Variants in RCCD1 observed in about 807,000 individuals in gnomAD.
RCCD1 encodes the protein RCC1 domain containing 1.
RCCD1 carries 40 observed loss-of-function variants against 37.6 expected under a neutral mutation model. That is an observed-to-expected ratio of 1.06 (90% CI 0.83 to 1.39). RCCD1 has a LOEUF of 1.39. Among genes scored for constraint, RCCD1 ranks in the 40% most tolerant of loss-of-function variants. RCCD1 has a pLI of 0.00. For missense variants in RCCD1, 577 were observed against 517.3 expected (o/e 1.12, Z -1.12); for synonymous variants, 263 against 230.0 (o/e 1.14, Z -1.30).
intron 6 of RCCD1, chr15:90,960,773 G>T: frequency 1.6e-6 from 1 of 626,140 alleles, no homozygotes; most frequent in East Asian, 2.7e-5. Context: ...TGACAGCAGG[G>T]ACTGTCCAGT....
At position 90,961,792 on chromosome 15, in the gene RCCD1, C is replaced by T; in HGVS notation, c.*23C>T. ...TGACATGTGTACGTATATGTATATG[C>T]AACACCTGTGAGACCCCCATTCAGG... is the stretch of plus-strand genomic sequence containing the variant. On this transcript the variant is annotated 3_prime_UTR_variant, in exon 8 of 8. Transcript: ENST00000394258. 1.2e-6 allele frequency: 2 copies of T among 1,602,068 alleles called. No homozygotes were observed. Among genetic ancestry groups the T allele is most frequent in the South Asian group, 2.2e-5 (2 of 89,862 alleles).
rs777746830 is a variant in RCCD1, at chr15:90,957,428, G to A, written c.482G>A (p.Arg161His). Residue 161 changes from arginine (R) to histidine (H), a missense_variant, in exon 3 of 8, where the codon CGC becomes CAC. Transcript: ENST00000394258. ...YRPLAPELRA[R>H]QLELGAEHAL... ...CCTCTGGCTCCGGAGCTGCGGGCAC[G>A]CCAGCTGGAGCTGGGCGCCGAGCAC... The A allele has an allele frequency of 8.4e-6, 13 of 1,538,802 alleles. No homozygotes were observed. The South Asian group carries it at 9.5e-5, about 11-fold the overall frequency.
chr15:90,956,747 C>A lies in RCCD1; in HGVS notation c.13C>A (p.Arg5=). Residue 5 remains arginine, a synonymous_variant, in exon 2 of 8, where the codon CGG becomes AGG. Coordinates refer to ENST00000394258, the MANE Select transcript of RCCD1 (RefSeq NM_001017919.2). MAEE[R]PGAWFGFGFC... is the part of the protein sequence containing the mutation. ...GCGCTGCTCGGGCATGGCGGAGGAG[C>A]GGCCGGGGGCCTGGTTCGGCTTCGG... 7.6e-7 allele frequency: 1 copy of A among 1,316,996 alleles called. No homozygotes were observed. Among genetic ancestry groups the A allele is most frequent in the Non-Finnish European group, 9.7e-7 (1 of 1,033,528 alleles). 81.6% of individuals were successfully genotyped at this position (1,316,996 alleles called of 1,614,324 possible). A position where few individuals can be genotyped will look rare whatever the true frequency, so the allele number is the denominator to read the frequency against.
At chr15:90,958,242 A>G (rs536561308) in intron 4 of RCCD1, among the ~76,000 whole-genome samples, 40 of 152,288 alleles carry the variant, frequency 2.6e-4, no homozygotes, top group Non-Finnish European at 5.1e-4. Context: ...GAGCCCATGC[A>G]GAGAGGGTGA....
At chr15:90,956,982 T>C (rs1256836403) in intron 2 of RCCD1, 82 bp downstream of exon 2, 1 of 1,284,268 alleles carries the variant, frequency 7.8e-7, no homozygotes, top group East Asian at 3.1e-5. Flanking sequence ...CAGTCCAGTT[T>C]GTCTCCCCCG....
At chr15:90,959,411 T>G (rs187522272) in intron 4 of RCCD1, among the ~76,000 whole-genome samples, 1 of 152,184 alleles carries the variant, frequency 6.6e-6, no homozygotes, top group Non-Finnish European at 1.5e-5. Context: ...GGACCGGCTG[T>G]GGGTGCAGTT....
At chr15:90,960,538 G>C (rs1388202226) in intron 6 of RCCD1, 40 bp downstream of exon 6, 1 of 1,576,810 alleles carries the variant, frequency 6.3e-7, no homozygotes, top group African/African-American at 1.3e-5. Flanking sequence ...ACTCGAGCTG[G>C]TGCCTACGGA....
In RCCD1 at chr15:90,957,711, C is replaced by G. The variant is rs138365253; in HGVS notation, c.665C>G (p.Ser222Cys). Reference sequence around the variant, plus strand: ...GAGGTGGCCGCGGGGGGCTGGCATTCTGTGTGTGTGAGTGGTGAGTGACTT... The same window carrying G: ...GAGGTGGCCGCGGGGGGCTGGCATTGTGTGTGTGTGAGTGGTGAGTGACTT... ...MAEVAAGGWH[S>C]VCVSETGDIY... The change falls in exon 4 of 8, where the codon TCT becomes TGT. Residue 222 changes from serine to cysteine, a missense_variant. Physicochemically the swap from Ser to Cys is moderately radical, Grantham distance 112. Transcript: ENST00000394258. 2.1e-5 allele frequency: 34 copies of G among 1,610,820 alleles called. No homozygotes were observed. The highest frequency in any genetic ancestry group is 6.7e-5 in the East Asian group (3 of 44,836).
chr15:90,962,525 A>C lies in RCCD1; in HGVS notation c.*756A>C, dbSNP rs2037335834. 6.6e-6 allele frequency: 1 copy of C among 152,194 alleles called. No individual in the cohort carries two copies. The highest frequency in any genetic ancestry group is 2.4e-5 in the African/African-American group (1 of 41,454). 9.4% of individuals were successfully genotyped at this position (152,194 alleles called of 1,614,324 possible). A position where few individuals can be genotyped will look rare whatever the true frequency, so the allele number is the denominator to read the frequency against. ...CAGCAGGGTGGGGTCTACTGTGGCTAAAATGTCAGGTAGATGCACACTGGT... is the reference window on the plus strand; with the variant it reads ...CAGCAGGGTGGGGTCTACTGTGGCTCAAATGTCAGGTAGATGCACACTGGT... On this transcript the variant is annotated 3_prime_UTR_variant, in exon 8 of 8. Coordinates refer to ENST00000394258, the MANE Select transcript of RCCD1 (RefSeq NM_001017919.2).
In RCCD1 at chr15:90,957,636, C is replaced by T. The variant is rs1177315286; in HGVS notation, c.590C>T (p.Ala197Val). 1.9e-6 allele frequency: 3 copies of T among 1,614,144 alleles called. No individual in the cohort carries two copies. Among genetic ancestry groups the T allele is most frequent in the Admixed American group, 1.7e-5 (1 of 60,020 alleles). ...CAGCTGGGCCATGGGACCCTGGAGG[C>T]AGAGCTGGAGCCACGGCTGTTGGAG... ...HGQLGHGTLE[A>V]ELEPRLLEAL... Residue 197 changes from alanine (A) to valine (V), a missense_variant, in exon 4 of 8, where the codon GCA becomes GTA. Transcript: ENST00000394258.
intron 4 of RCCD1, among the ~76,000 whole-genome samples, chr15:90,958,965 A>C (rs944222516): frequency 4.4e-5 from 6 of 135,690 alleles, no homozygotes; most frequent in East Asian, 5.1e-4. Flanking sequence ...AAAAAAAAAA[A>C]CCCCAACCTT....
Position 90,961,541 on chromosome 15 carries a change from G to C in RCCD1, c.980-77G>C. 4 of 1,490,668 alleles carry C rather than the reference G, an allele frequency of 2.7e-6. No homozygotes were observed. In the East Asian group the frequency reaches 6.8e-5, roughly 25 times the overall value. 92.3% of individuals were successfully genotyped at this position (1,490,668 alleles called of 1,614,324 possible). A position where few individuals can be genotyped will look rare whatever the true frequency, so the allele number is the denominator to read the frequency against. ...CATAATCCCAGCACTTCATTTGATA[G>C]TCTGGGCCCCTTCCTGGAGGGAAAG... On this transcript the variant is annotated intron_variant, in intron 7 of 7. Coordinates refer to ENST00000394258, the MANE Select transcript of RCCD1 (RefSeq NM_001017919.2).
chr15:90,957,582 G>A (rs755418265), intron 3 of RCCD1, 22 bp from the exon 4 acceptor site: 1 of 1,613,854 alleles, frequency 6.2e-7, no homozygotes, highest in Non-Finnish European at 8.5e-7. Context: ...GACTGTAGCT[G>A]ACGACGGTCT....
Position 90,957,680 on chromosome 15 carries a change from A to G in RCCD1, c.634A>G (p.Met212Val). ...GTTGGAGGCGTTGCAGGGCCTAGTC[A>G]TGGCTGAGGTGGCCGCGGGGGGCTG... is the stretch of plus-strand genomic sequence containing the variant. ...RLLEALQGLV[M>V]AEVAAGGWHS... The change falls in exon 4 of 8, where the codon ATG (methionine) becomes GTG (valine). Residue 212 changes from methionine (M) to valine (V), a missense_variant. Transcript: ENST00000394258. The G allele has an allele frequency of 3.1e-6, 5 of 1,613,794 alleles. No homozygotes were observed. The highest frequency in any genetic ancestry group is 3.4e-6 in the Non-Finnish European group (4 of 1,179,860).
intron 4 of RCCD1, among the ~76,000 whole-genome samples, chr15:90,958,954 A>C (rs111598031): frequency 4.0e-4 from 16 of 40,454 alleles, no homozygotes; most frequent in East Asian, 0.25. Flanking sequence ...AAAAAAAAAC[A>C]AAAAAAAAAA....
In RCCD1 at chr15:90,956,659, A is replaced by T; in HGVS notation, c.-76A>T. On this transcript the variant is annotated 5_prime_UTR_variant, in exon 2 of 8. Transcript: ENST00000394258. ...AAGGCCAGAGACTTGCCAGTGTCCC[A>T]CTAGCGGGCTCTTCGCAAGAATCCC... 1 of 1,211,420 alleles carries T rather than the reference A, an allele frequency of 8.3e-7. No homozygotes were observed. The highest frequency in any genetic ancestry group is 3.2e-5 in the East Asian group (1 of 31,516). 75.0% of individuals were successfully genotyped at this position (1,211,420 alleles called of 1,614,324 possible).
rs767824788 is a variant in RCCD1, at chr15:90,961,611, A to G, written c.980-7A>G. On this transcript the variant is annotated splice_polypyrimidine_tract_variant and splice_region_variant and intron_variant, in intron 7 of 7. Coordinates refer to ENST00000394258, the MANE Select transcript of RCCD1 (RefSeq NM_001017919.2). ...AGACGATGGCAAAGGGGCTGATTTC[A>G]CTTTAGGTAAATATGGACAGCTGGG... is the stretch of plus-strand genomic sequence containing the variant. 4 of 1,610,182 alleles carry G rather than the reference A, an allele frequency of 2.5e-6. No individual in the cohort carries two copies. The African/African-American group carries it at 5.3e-5, about 22-fold the overall frequency.
intron 7 of RCCD1, chr15:90,961,292 T>G (rs1184858935): frequency 1.7e-6 from 1 of 595,686 alleles, no homozygotes; most frequent in Non-Finnish European, 3.0e-6. Context: ...TCTGAAAGAC[T>G]GTCTTAAGGG....
rs1433904404 is a variant in RCCD1, at chr15:90,962,885, A to C, written c.*1116A>C. 6.6e-6 allele frequency: 1 copy of C among 152,190 alleles called. No homozygotes were observed. Among genetic ancestry groups the C allele is most frequent in the Non-Finnish European group, 1.5e-5 (1 of 68,032 alleles). 9.4% of individuals were successfully genotyped at this position (152,190 alleles called of 1,614,324 possible). On this transcript the variant is annotated 3_prime_UTR_variant, in exon 8 of 8. Coordinates refer to ENST00000394258, the MANE Select transcript of RCCD1 (RefSeq NM_001017919.2). The stretch of plus-strand genomic sequence containing the variant: ...AGTCTCTCTTGGTATTACCAATTTT[A>C]ATACTTAGGTGATGCTTACTCCATG...
Sources: gnomAD v4.1 joint callset for allele counts (sites outside exome capture counted in the v4.1 genomes callset) on GRCh38, gnomAD v4.1.1 for gene constraint, MANE v1.5 for transcripts, NCBI Gene and HGNC (gene_info 2026-07-23, HGNC 2026-07-21) for gene names.